Variants in PLXDC2 observed in about 807,000 individuals in gnomAD.
PLXDC2 encodes plexin domain-containing protein 2.
Under a neutral mutation model 68.9 loss-of-function variants are expected in PLXDC2, and 40 were observed. The ratio of observed to expected loss-of-function variants is 0.58; its 90% CI spans 0.45 to 0.76. PLXDC2 has a LOEUF of 0.76. Ranked by LOEUF, PLXDC2 falls within the 30% of genes least tolerant of loss-of-function variation. The pLI is 0.00. For missense variants in PLXDC2, 644 were observed against 661.9 expected, an observed-to-expected ratio of 0.97 and a Z score of 0.30; for synonymous variants, 243 against 234.2, an observed-to-expected ratio of 1.04 and a Z score of -0.34.
At chr10:19,890,634 C>T (rs1177596058) in intron 1 of PLXDC2, among the ~76,000 whole-genome samples, 1 of 146,828 alleles carries the variant, frequency 6.8e-6, no homozygotes, top group Admixed American at 6.8e-5. Flanking sequence ...CTCAGCATCC[C>T]AAAGTGCTGG....
chr10:20,151,340 G>A (rs1346170137), intron 6 of PLXDC2, among the ~76,000 whole-genome samples: 1 of 152,142 alleles, frequency 6.6e-6, no homozygotes, highest in Non-Finnish European at 1.5e-5. Flanking sequence ...TTCCTCAATA[G>A]TTTCCTACAG....
intron 13 of PLXDC2, among the ~76,000 whole-genome samples, chr10:20,268,972 T>A (rs2119377191): frequency 6.6e-6 from 1 of 152,334 alleles, no homozygotes; most frequent in Middle Eastern, 3.4e-3. Context: ...AAAGATATGC[T>A]GCTTAAAGCA....
chr10:20,209,113 G>T (rs904564275), intron 9 of PLXDC2, among the ~76,000 whole-genome samples: 5 of 152,108 alleles, frequency 3.3e-5, no homozygotes, highest in African/African-American at 1.2e-4. Context: ...TGAAAACATC[G>T]TATCAGGAAA....
At chr10:20,178,207 A>G (rs755054044) in intron 9 of PLXDC2, among the ~76,000 whole-genome samples, 1 of 152,150 alleles carries the variant, frequency 6.6e-6, no homozygotes, top group Non-Finnish European at 1.5e-5. Flanking sequence ...GTCATGTTGT[A>G]ATTAGCTAAC....
intron 6 of PLXDC2, among the ~76,000 whole-genome samples, chr10:20,159,575 A>G (rs1834263815): frequency 6.6e-6 from 1 of 152,072 alleles, no homozygotes; most frequent in African/African-American, 2.4e-5. Flanking sequence ...ATTTTTCCAA[A>G]ATAAAGGAAT....
chr10:19,879,272 T>C (rs75223866), intron 1 of PLXDC2, among the ~76,000 whole-genome samples: 1,786 of 152,250 alleles, frequency 0.012, 38 homozygotes, highest in African/African-American at 0.039. Flanking sequence ...ATTTAGGCTC[T>C]GGTTAGATTT....
chr10:20,228,564 T>C (rs1161866458), intron 12 of PLXDC2, among the ~76,000 whole-genome samples: 2 of 113,558 alleles, frequency 1.8e-5, no homozygotes, highest in Non-Finnish European at 3.8e-5. Flanking sequence ...CAAAAAAAAA[T>C]TAAAAAATAA....
chr10:20,078,287 G>A (rs1459591377), intron 4 of PLXDC2, among the ~76,000 whole-genome samples: 1 of 152,194 alleles, frequency 6.6e-6, no homozygotes, highest in African/African-American at 2.4e-5. Flanking sequence ...GGAGGCTGAG[G>A]CAGGAGGATG....
In PLXDC2 at chr10:20,105,885, C is replaced by T. The variant is rs943723887; in HGVS notation, c.542-37410C>T. 6.6e-5 allele frequency among the ~76,000 whole-genome samples: 10 copies of T among 152,252 alleles called. 1 individual carries two copies. The South Asian group carries it at 1.7e-3, about 25-fold the overall frequency. On this transcript the variant is annotated intron_variant, in intron 4 of 13. Transcript: ENST00000377252. ...TTTAATCTCCACAGATTAATTTGCT[C>T]ATTTCAAAATTGGAGATTAAATTAG...
chr10:20,151,673 A>G (rs1834154530), intron 6 of PLXDC2, among the ~76,000 whole-genome samples: 1 of 152,106 alleles, frequency 6.6e-6, no homozygotes, highest in Non-Finnish European at 1.5e-5. Context: ...TGCTTATTAG[A>G]CTTGTCATAT....
intron 6 of PLXDC2, among the ~76,000 whole-genome samples, chr10:20,149,224 C>CTTTTTTT (rs1554770079): frequency 5.0e-5 from 1 of 20,074 alleles, no homozygotes; most frequent in Admixed American, 4.8e-4. Context: ...CTTTTTTTTT[C>CTTTTTTT]TTTTCTTTTT....
At chr10:20,250,658 A>G (rs1354040948) in intron 13 of PLXDC2, among the ~76,000 whole-genome samples, 1 of 152,220 alleles carries the variant, frequency 6.6e-6, no homozygotes, top group African/African-American at 2.4e-5. Context: ...CTGCCTCTGT[A>G]TGTATAAAGA....
At chr10:19,888,405 A>G (rs995982103) in intron 1 of PLXDC2, among the ~76,000 whole-genome samples, 1 of 152,166 alleles carries the variant, frequency 6.6e-6, no homozygotes, top group African/African-American at 2.4e-5. Context: ...CAACCATTTC[A>G]ACAGGAATGG....
intron 13 of PLXDC2, among the ~76,000 whole-genome samples, chr10:20,262,739 T>C (rs1835825109): frequency 6.6e-6 from 1 of 152,234 alleles, no homozygotes; most frequent in African/African-American, 2.4e-5. Flanking sequence ...ACCTACAGGT[T>C]CTGAAAAATC....
At chr10:20,192,362 A>G (rs576544252) in intron 9 of PLXDC2, among the ~76,000 whole-genome samples, 2 of 152,142 alleles carry the variant, frequency 1.3e-5, no homozygotes, top group South Asian at 2.1e-4. Context: ...AATTATTCCA[A>G]TGGCATGTTA....
intron 6 of PLXDC2, among the ~76,000 whole-genome samples, chr10:20,160,697 G>A (rs1237620827): frequency 6.6e-6 from 1 of 152,000 alleles, no homozygotes; most frequent in Non-Finnish European, 1.5e-5. Context: ...TGTATATTGG[G>A]CTTAGTTTTT....
chr10:20,046,952 C>T lies in PLXDC2; in HGVS notation c.408C>T (p.Asp136=). ...GCCGGGATTTATGGGTGAACATAGA[C>T]CAAATGGAAAAAGATAAAGTGAAGA... The part of the protein sequence containing the change: ...SASRDLWVNI[D]QMEKDKVKIH... Residue 136 remains aspartate (D), a synonymous_variant, in exon 3 of 14, where the codon GAC becomes GAT. Coordinates refer to ENST00000377252, the MANE Select transcript of PLXDC2 (RefSeq NM_032812.9). The T allele has an allele frequency of 1.2e-6, 2 of 1,612,056 alleles. No individual in the cohort carries two copies. Among genetic ancestry groups the T allele is most frequent in the Non-Finnish European group, 1.7e-6 (2 of 1,179,068 alleles).
chr10:20,101,190 G>T (rs914758294), intron 4 of PLXDC2, among the ~76,000 whole-genome samples: 1 of 152,218 alleles, frequency 6.6e-6, no homozygotes, highest in South Asian at 2.1e-4. Flanking sequence ...TGAGAGGATG[G>T]GGGTAGTGTT....
At chr10:20,070,553 T>C (rs185528834) in intron 4 of PLXDC2, among the ~76,000 whole-genome samples, 1 of 152,346 alleles carries the variant, frequency 6.6e-6, no homozygotes, top group East Asian at 1.9e-4. Context: ...AGGCATTTAA[T>C]TAATTTTGTT....
Sources: gnomAD v4.1 joint callset for allele counts (sites outside exome capture counted in the v4.1 genomes callset) on GRCh38, gnomAD v4.1.1 for gene constraint, MANE v1.5 for transcripts, NCBI Gene and HGNC (gene_info 2026-07-23, HGNC 2026-07-21) for gene names.